Variants in SCHIP1 observed in about 807,000 individuals in gnomAD.
SCHIP1 encodes schwannomin interacting protein 1, also known as schwannomin-interacting protein 1.
SCHIP1 carries 8 observed loss-of-function variants against 29.7 expected under a neutral mutation model. That is an observed-to-expected ratio of 0.27 (90% confidence interval 0.16 to 0.49). SCHIP1 has a LOEUF of 0.49. SCHIP1 is among the 20% of genes least tolerant of loss of function. The pLI is 0.99. For synonymous variants in SCHIP1, 76 were observed against 94.9 expected (o/e 0.80, Z 1.16); for missense variants, 193 against 294.6 (o/e 0.66, Z 2.52).
chr3:159,657,209 T>C, the SCHIP1 span, among the ~76,000 whole-genome samples: 2 of 152,214 alleles, frequency 1.3e-5, no homozygotes, highest in African/African-American at 4.8e-5. Flanking sequence ...AGTGACCATC[T>C]TCCAACAGAG....
the SCHIP1 span, among the ~76,000 whole-genome samples, chr3:159,566,100 T>C: frequency 2.0e-5 from 3 of 152,140 alleles, no homozygotes; most frequent in Non-Finnish European, 4.4e-5. Flanking sequence ...CATTCTAACA[T>C]TTTTTTAACT....
chr3:159,518,968 T>A, the SCHIP1 span, among the ~76,000 whole-genome samples: 1 of 152,132 alleles, frequency 6.6e-6, no homozygotes, highest in Non-Finnish European at 1.5e-5. Flanking sequence ...AATATTTACA[T>A]GTATTTAACT....
chr3:159,772,848 C>A, the SCHIP1 span, among the ~76,000 whole-genome samples: 1 of 152,166 alleles, frequency 6.6e-6, no homozygotes, highest in Non-Finnish European at 1.5e-5. Context: ...TCAAGTGATT[C>A]TCCTGCCTCA....
chr3:159,860,130 G>C (rs1413762294), intron 1 of SCHIP1, among the ~76,000 whole-genome samples: 1 of 152,156 alleles, frequency 6.6e-6, no homozygotes, highest in Admixed American at 6.5e-5. Flanking sequence ...CGGGGGACCA[G>C]TGTATTCATT....
At chr3:159,288,599 T>G in the SCHIP1 span, among the ~76,000 whole-genome samples, 1 of 152,178 alleles carries the variant, frequency 6.6e-6, no homozygotes, top group African/African-American at 2.4e-5. Flanking sequence ...TAGCTGGGCA[T>G]GGTGGCACAT....
chr3:159,505,584 T>C, the SCHIP1 span, among the ~76,000 whole-genome samples: 2 of 152,348 alleles, frequency 1.3e-5, no homozygotes, highest in East Asian at 1.9e-4. Context: ...TAACTCATCA[T>C]CTACATTAGG....
chr3:159,744,474 A>C, the SCHIP1 span, among the ~76,000 whole-genome samples: 1 of 152,188 alleles, frequency 6.6e-6, no homozygotes, highest in African/African-American at 2.4e-5. Flanking sequence ...ATTCTGTAGG[A>C]GTGAGGAGCA....
At chr3:159,334,824 A>G in the SCHIP1 span, among the ~76,000 whole-genome samples, 1 of 152,110 alleles carries the variant, frequency 6.6e-6, no homozygotes, top group Non-Finnish European at 1.5e-5. Context: ...TGTTTCCAGC[A>G]TTTAACTACA....
chr3:159,892,244 C>G (rs1208756964), intron 6 of SCHIP1, 54 bp downstream of exon 7: 8 of 1,605,340 alleles, frequency 5.0e-6, no homozygotes, highest in Non-Finnish European at 6.8e-6. Flanking sequence ...GGTCTGAAAT[C>G]TAAGAATTAG....
the SCHIP1 span, among the ~76,000 whole-genome samples, chr3:159,600,222 A>C: frequency 8.5e-4 from 130 of 152,264 alleles, no homozygotes; most frequent in African/African-American, 3.0e-3. Context: ...CTACCTGGGG[A>C]TTGTTGAACC....
the SCHIP1 span, among the ~76,000 whole-genome samples, chr3:159,463,741 G>GATATAT: frequency 0.02 from 2,933 of 149,456 alleles, 69 homozygotes; most frequent in African/African-American, 0.048. Flanking sequence ...AACAGAATGA[G>GATATAT]ATATATATAT....
the SCHIP1 span, among the ~76,000 whole-genome samples, chr3:159,391,394 T>C: frequency 6.6e-6 from 1 of 152,176 alleles, no homozygotes; most frequent in Non-Finnish European, 1.5e-5. Flanking sequence ...AAATATGATA[T>C]ATTCTCTAAG....
At chr3:159,590,203 C>T in the SCHIP1 span, among the ~76,000 whole-genome samples, 10 of 152,062 alleles carry the variant, frequency 6.6e-5, no homozygotes, top group East Asian at 1.9e-4. Context: ...CCAGCTCTGA[C>T]GTGTCTCAGA....
At chr3:159,388,092 T>C in the SCHIP1 span, among the ~76,000 whole-genome samples, 1 of 152,180 alleles carries the variant, frequency 6.6e-6, no homozygotes, top group Admixed American at 6.5e-5. Flanking sequence ...TATTCAGTGA[T>C]GATGATTAGG....
At chr3:159,421,700 T>C in the SCHIP1 span, among the ~76,000 whole-genome samples, 1 of 152,234 alleles carries the variant, frequency 6.6e-6, no homozygotes, top group Non-Finnish European at 1.5e-5. Flanking sequence ...AAAGTGACTC[T>C]TTCTATTGCT....
chr3:159,532,478 G>A, the SCHIP1 span, among the ~76,000 whole-genome samples: 1 of 151,900 alleles, frequency 6.6e-6, no homozygotes, highest in African/African-American at 2.4e-5. Context: ...GCTTTGTCAT[G>A]ATTTTCTATG....
At chr3:159,713,413 C>T in the SCHIP1 span, among the ~76,000 whole-genome samples, 1 of 152,214 alleles carries the variant, frequency 6.6e-6, no homozygotes, top group African/African-American at 2.4e-5. Flanking sequence ...CAACCCCTCA[C>T]TCCAGTTCAT....
At chr3:159,528,935 A>G in the SCHIP1 span, among the ~76,000 whole-genome samples, 1 of 152,200 alleles carries the variant, frequency 6.6e-6, no homozygotes, top group African/African-American at 2.4e-5. Flanking sequence ...TGTGCACATG[A>G]CAATGTATAC....
the SCHIP1 span, among the ~76,000 whole-genome samples, chr3:159,631,297 T>C: frequency 4.6e-5 from 7 of 152,114 alleles, no homozygotes; most frequent in South Asian, 1.4e-3. Flanking sequence ...CTCAAAAATT[T>C]AAACATAGAA....
Sources: allele counts gnomAD v4.1 joint callset (sites outside exome capture counted in the v4.1 genomes callset), GRCh38; gene constraint gnomAD v4.1.1; transcripts MANE v1.5; gene names NCBI Gene and HGNC (gene_info 2026-07-23, HGNC 2026-07-21).